DOCK11: variants seen among roughly 807,000 people sequenced by gnomAD.
DOCK11 encodes the protein dedicator of cytokinesis protein 11.
In DOCK11, 70 loss-of-function variants were observed where a neutral mutation model predicts 169.1. That is an observed-to-expected ratio of 0.41 (90% CI 0.34 to 0.51). The LOEUF (loss-of-function observed/expected upper bound fraction) is 0.51, where lower values mean the gene tolerates loss of function less well. DOCK11 is among the 20% of genes least tolerant of loss of function. DOCK11 has a pLI of 0.10. For missense variants in DOCK11, 1,166 were observed against 1,538.8 expected, an observed-to-expected ratio of 0.76 and a Z score of 4.05; for synonymous variants, 529 against 541.3, an observed-to-expected ratio of 0.98 and a Z score of 0.32.
intron 20 of DOCK11, among the ~76,000 whole-genome samples, chrX:118,593,961 C>T (rs937812995): frequency 6.3e-5 from 7 of 111,765 alleles, no homozygotes; most frequent in African/African-American, 1.3e-4. Flanking sequence ...ACACATATTG[C>T]GATACAGTAT....
At chrX:118,531,949 T>A (rs2011601929) in intron 1 of DOCK11, among the ~76,000 whole-genome samples, 1 of 111,744 alleles carries the variant, frequency 8.9e-6, no homozygotes, top group African/African-American at 3.3e-5. Flanking sequence ...AGGTTATTTG[T>A]TTAAGACAGT....
chrX:118,537,041 C>T (rs1374359678), intron 1 of DOCK11, among the ~76,000 whole-genome samples: 1 of 111,914 alleles, frequency 8.9e-6, no homozygotes, highest in Non-Finnish European at 1.9e-5. Flanking sequence ...AGAGACTCAC[C>T]TCTTTTTGAG....
chrX:118,647,951 AATAATAT>A lies in DOCK11; in HGVS notation c.4399-981_4399-975del, dbSNP rs1221736369. 3.7e-5 allele frequency among the ~76,000 whole-genome samples: 2 copies of A among 54,719 alleles called. 1 individual carries two copies. Among genetic ancestry groups the A allele is most frequent in the African/African-American group, 1.6e-4 (2 of 12,133 alleles). 47.5% of individuals were successfully genotyped at this position (54,719 alleles called of 115,157 possible). On this transcript the variant is annotated intron_variant, in intron 40 of 52. Coordinates refer to ENST00000276202, the MANE Select transcript of DOCK11 (RefSeq NM_144658.4). Reference sequence around the variant, plus strand: ...ATAAATAATATATTTTATAATATATAATAATATATAATATATAATTATATATAATATA... The same window carrying A: ...ATAAATAATATATTTTATAATATATAATAATATATAATTATATATAATATA...
chrX:118,547,765 A>G (rs1257064423), intron 6 of DOCK11, among the ~76,000 whole-genome samples: 4 of 112,786 alleles, frequency 3.5e-5, no homozygotes, highest in Non-Finnish European at 7.5e-5. Context: ...AGGGTTTATT[A>G]ACAATATATT....
At chrX:118,651,797 G>A (rs774825481) in intron 41 of DOCK11, among the ~76,000 whole-genome samples, 167 bp from the exon 42 acceptor site, 1 of 111,935 alleles carries the variant, frequency 8.9e-6, no homozygotes, top group Non-Finnish European at 1.9e-5. Context: ...TACTATTTCA[G>A]CAGAAGAATG....
intron 34 of DOCK11, among the ~76,000 whole-genome samples, chrX:118,629,776 G>C (rs1456799123): frequency 9.2e-6 from 1 of 108,429 alleles, no homozygotes; most frequent in Non-Finnish European, 1.9e-5. Flanking sequence ...AGCCTCCTGA[G>C]TAGCTAGGAC....
At chrX:118,601,503 A>G (rs2014337760) in intron 23 of DOCK11, among the ~76,000 whole-genome samples, 1 of 111,407 alleles carries the variant, frequency 9.0e-6, no homozygotes, top group East Asian at 2.8e-4. Flanking sequence ...GGACTTCAAT[A>G]TGTATGAATG....
intron 1 of DOCK11, among the ~76,000 whole-genome samples, chrX:118,542,512 GTGTGTGTT>G (rs1364274841): frequency 2.7e-5 from 2 of 72,998 alleles, no homozygotes; most frequent in African/African-American, 1.1e-4. Context: ...GTGTGTGTGT[GTGTGTGTT>G]TGTGTGTGTG....
At chrX:118,587,998 T>A (rs933050361) in intron 16 of DOCK11, 139 bp from the exon 17 acceptor site, 8 of 564,800 alleles carry the variant, frequency 1.4e-5, no homozygotes, top group Non-Finnish European at 1.8e-5. Context: ...GTCATGTGAT[T>A]TTTTTGGTCA....
intron 1 of DOCK11, among the ~76,000 whole-genome samples, chrX:118,516,003 A>AT: frequency 1.7e-5 from 1 of 59,923 alleles, no homozygotes; most frequent in Non-Finnish European, 2.9e-5. Flanking sequence ...GGATTTGGGC[A>AT]AATATATATA....
At chrX:118,647,601 T>C (rs1337096664) in intron 40 of DOCK11, among the ~76,000 whole-genome samples, 2 of 66,217 alleles carry the variant, frequency 3.0e-5, no homozygotes, top group Non-Finnish European at 5.2e-5. Flanking sequence ...TATATATTAA[T>C]ATATAAATAT....
intron 5 of DOCK11, among the ~76,000 whole-genome samples, 184 bp from the exon 6 acceptor site, chrX:118,545,833 AGTGC>A (rs1197417456): frequency 8.9e-6 from 1 of 112,064 alleles, no homozygotes; most frequent in African/African-American, 3.2e-5. Context: ...GTAAATACTG[AGTGC>A]CTACTGTGTG....
intron 23 of DOCK11, 140 bp from the exon 24 acceptor site, chrX:118,605,098 A>G (rs1336069664): frequency 2.5e-5 from 10 of 403,289 alleles, no homozygotes; most frequent in Non-Finnish European, 3.5e-5. Context: ...AAAGCCCCCT[A>G]TCCAATGGAA....
rs752069858 is a variant in DOCK11, at chrX:118,541,549, C to T, written c.103-1176C>T. ...AAGAAAAGCAGAGCCTTTGCAGTCA[C>T]AGACCTGGGTTTGAATTCCAGTTCT... is the stretch of plus-strand genomic sequence containing the variant. On this transcript the variant is annotated intron_variant, in intron 1 of 52. Coordinates refer to ENST00000276202, the MANE Select transcript of DOCK11 (RefSeq NM_144658.4). Among the ~76,000 whole-genome samples, 15 of 112,290 alleles carry T rather than the reference C, an allele frequency of 1.3e-4. No individual in the cohort carries two copies. In the South Asian group the frequency reaches 4.8e-3, roughly 36 times the overall value.
intron 47 of DOCK11, 83 bp downstream of exon 47, chrX:118,676,132 A>G (rs955333250): frequency 3.3e-6 from 2 of 614,946 alleles, no homozygotes; most frequent in African/African-American, 4.6e-5. Flanking sequence ...CTAGGAGTCT[A>G]TCCAGATAGA....
intron 27 of DOCK11, among the ~76,000 whole-genome samples, chrX:118,609,974 A>C (rs918197760): frequency 1.6e-4 from 18 of 112,191 alleles, no homozygotes; most frequent in African/African-American, 5.8e-4. Flanking sequence ...CCAGGAAAAA[A>C]GTAGAATGAA....
intron 40 of DOCK11, among the ~76,000 whole-genome samples, chrX:118,644,048 A>G (rs1325794774): frequency 9.0e-6 from 1 of 111,655 alleles, no homozygotes; most frequent in South Asian, 3.8e-4. Context: ...CCTGCCTTTC[A>G]ATGCTAGCCA....
chrX:118,509,331 C>T (rs2057635017), intron 1 of DOCK11, among the ~76,000 whole-genome samples: 1 of 110,081 alleles, frequency 9.1e-6, no homozygotes, highest in African/African-American at 3.3e-5. Context: ...GGTGCAATCT[C>T]GGCTCACTGA....
intron 37 of DOCK11, 51 bp from the exon 38 acceptor site, chrX:118,639,384 T>G: frequency 8.7e-4 from 979 of 1,122,510 alleles, no homozygotes; most frequent in Non-Finnish European, 1.1e-3. Flanking sequence ...ATGATAACAT[T>G]GAGATATGTT....
Sources: allele counts gnomAD v4.1 joint callset (sites outside exome capture counted in the v4.1 genomes callset), GRCh38; gene constraint gnomAD v4.1.1; transcripts MANE v1.5; gene names NCBI Gene and HGNC (gene_info 2026-07-23, HGNC 2026-07-21).